ACYP2: variants seen among roughly 807,000 people sequenced by gnomAD.
The protein encoded by ACYP2 is acylphosphatase-2.
In ACYP2, 12 loss-of-function variants were observed where a neutral mutation model predicts 11.2. The observed-to-expected ratio is 1.08, with a 90% confidence interval of 0.69 to 1.74. The LOEUF (loss-of-function observed/expected upper bound fraction) is 1.74, where lower values mean the gene tolerates loss of function less well. ACYP2 is among the 40% of genes most tolerant of loss of function. The pLI is 0.00. For missense variants in ACYP2, 134 were observed against 101.9 expected (o/e 1.31, Z -1.35); for synonymous variants, 43 against 32.2 (o/e 1.33, Z -1.13).
At chr2:54,117,536 T>C (rs903074875) in intron 4 of ACYP2, among the ~76,000 whole-genome samples, 1 of 152,298 alleles carries the variant, frequency 6.6e-6, no homozygotes, top group South Asian at 2.1e-4. Flanking sequence ...CAAGGGATCC[T>C]CCTGCACTTC....
At chr2:54,159,032 A>G (rs542884657) in intron 6 of ACYP2, among the ~76,000 whole-genome samples, 70 of 152,098 alleles carry the variant, frequency 4.6e-4, no homozygotes, top group Non-Finnish European at 9.4e-4. Context: ...AGTTGTATAT[A>G]TACTCTCTCT....
chr2:54,010,743 T>C lies in ACYP2; in HGVS notation c.62+36933T>C, dbSNP rs1221610220. ...TTTCTCTTTTTCTTTCTTTCTTTTT[T>C]TTTTTTTTTTTTTTTTTTTTTTGAG... On this transcript the variant is annotated intron_variant, in intron 2 of 6. Coordinates refer to ENST00000607452, the MANE Select transcript of ACYP2 (RefSeq NM_001320586.2). 3.9e-3 allele frequency among the ~76,000 whole-genome samples: 223 copies of C among 57,090 alleles called. 5 individuals are homozygous for C. Among genetic ancestry groups the C allele is most frequent in the African/African-American group, 9.7e-3 (200 of 20,634 alleles). 37.5% of individuals were successfully genotyped at this position (57,090 alleles called of 152,430 possible). A position where few individuals can be genotyped will look rare whatever the true frequency, so the allele number is the denominator to read the frequency against.
intron 4 of ACYP2, among the ~76,000 whole-genome samples, chr2:54,116,835 C>T (rs969401923): frequency 3.9e-5 from 6 of 152,234 alleles, no homozygotes; most frequent in South Asian, 2.1e-4. Context: ...GGTTGGACCG[C>T]ACAGTCTAAG....
chr2:54,022,214 T>C (rs1231339883), intron 2 of ACYP2, among the ~76,000 whole-genome samples: 1 of 152,148 alleles, frequency 6.6e-6, no homozygotes, highest in Non-Finnish European at 1.5e-5. Flanking sequence ...CCTTTTTTCT[T>C]TTGTTAAATT....
At position 54,265,665 on chromosome 2, in the gene ACYP2, G is replaced by T. The variant is rs112642393; in HGVS notation, c.405-39023G>T. ...CAGATAAATATCTACATACAGGGGT[G>T]ATATGAAGATTAATTAAATAAGTTG... On this transcript the variant is annotated intron_variant, in intron 6 of 6. Coordinates refer to ENST00000607452, the MANE Select transcript of ACYP2 (RefSeq NM_001320586.2). Among the ~76,000 whole-genome samples, 6 of 152,348 alleles carry T rather than the reference G, an allele frequency of 3.9e-5. 1 individual carries two copies. Among genetic ancestry groups the T allele is most frequent in the African/African-American group, 1.4e-4 (6 of 41,580 alleles).
chr2:54,266,387 A>C lies in ACYP2; in HGVS notation c.405-38301A>C, dbSNP rs553463079. On this transcript the variant is annotated intron_variant, in intron 6 of 6. Transcript: ENST00000607452. ...CTCAAAAGCATTCTTGGGACAGTGG[A>C]GGAAATTAAAATATGGACTGGATAG... 1.6e-3 allele frequency among the ~76,000 whole-genome samples: 239 copies of C among 152,236 alleles called. 1 individual carries two copies. Among genetic ancestry groups the C allele is most frequent in the African/African-American group, 5.5e-3 (230 of 41,558 alleles).
intron 6 of ACYP2, chr2:54,255,316 T>A (rs781342586): frequency 6.2e-7 from 1 of 1,614,192 alleles, no homozygotes; most frequent in Middle Eastern, 1.6e-4. Context: ...CACTTCCAAA[T>A]TGGTTAAGTA....
intron 4 of ACYP2, among the ~76,000 whole-genome samples, chr2:54,068,112 G>A (rs138450871): frequency 3.9e-5 from 6 of 152,310 alleles, no homozygotes; most frequent in Middle Eastern, 3.4e-3. Context: ...ATATTTCTGT[G>A]TGGAGGGAGA....
At chr2:54,160,268 G>A (rs1403212020) in intron 6 of ACYP2, among the ~76,000 whole-genome samples, 1 of 152,134 alleles carries the variant, frequency 6.6e-6, no homozygotes, top group East Asian at 1.9e-4. Context: ...CCACACTCAA[G>A]GCTGGGGGAA....
intron 6 of ACYP2, among the ~76,000 whole-genome samples, chr2:54,198,893 G>A (rs970453760): frequency 6.6e-5 from 10 of 152,192 alleles, no homozygotes; most frequent in South Asian, 4.2e-4. Context: ...TTCTCGTTCC[G>A]TGCCCATTCT....
intron 2 of ACYP2, among the ~76,000 whole-genome samples, chr2:54,040,001 A>G (rs1021451391): frequency 5.9e-5 from 9 of 152,018 alleles, no homozygotes; most frequent in Non-Finnish European, 1.3e-4. Flanking sequence ...GATTACAGTC[A>G]TGAGCCACTG....
intron 4 of ACYP2, among the ~76,000 whole-genome samples, chr2:54,118,059 A>C (rs1679917483): frequency 6.6e-6 from 1 of 152,252 alleles, no homozygotes; most frequent in Non-Finnish European, 1.5e-5. Flanking sequence ...CACTTAGGAT[A>C]ACAGGAGACC....
In ACYP2 at chr2:54,072,507, C is replaced by CTTTTTTT. The variant is rs751029811; in HGVS notation, c.277+15148_277+15149insTTTTTTT. Among the ~76,000 whole-genome samples the CTTTTTTT allele has an allele frequency of 2.3e-4, 19 of 83,538 alleles. No homozygotes were observed. In the South Asian group the frequency reaches 6.8e-3, roughly 30 times the overall value. The allele number at this position is 83,538 out of a possible 152,430, so 54.8% of individuals were successfully genotyped here. A position where few individuals can be genotyped will look rare whatever the true frequency, so the allele number is the denominator to read the frequency against. On this transcript the variant is annotated intron_variant, in intron 4 of 6. Transcript: ENST00000607452. Reference sequence around the variant, plus strand: ...TTCTTTTTTCTTTCTTTCTCTCTCTCTCTCTTTCTTTCTTCTTTCTTTCTT... The same window carrying CTTTTTTT: ...TTCTTTTTTCTTTCTTTCTCTCTCTCTTTTTTTTCTCTTTCTTTCTTCTTTCTTTCTT...
chr2:54,292,568 T>C (rs1436174159), intron 6 of ACYP2, among the ~76,000 whole-genome samples: 1 of 152,108 alleles, frequency 6.6e-6, no homozygotes, highest in Non-Finnish European at 1.5e-5. Context: ...GAGGCTTGCA[T>C]TATGGTTCTG....
chr2:54,241,426 T>C (rs1012176764), intron 6 of ACYP2, among the ~76,000 whole-genome samples: 7 of 152,206 alleles, frequency 4.6e-5, no homozygotes, highest in African/African-American at 1.7e-4. Context: ...TCAGGAGGTA[T>C]AGGCTTAGCT....
chr2:54,053,130 C>A (rs1266423657), intron 3 of ACYP2, among the ~76,000 whole-genome samples: 1 of 152,220 alleles, frequency 6.6e-6, no homozygotes, highest in African/African-American at 2.4e-5. Flanking sequence ...TCACTGTTGG[C>A]TCAGTATAAG....
At chr2:54,001,120 T>G (rs756343407) in intron 2 of ACYP2, among the ~76,000 whole-genome samples, 30 of 152,182 alleles carry the variant, frequency 2.0e-4, no homozygotes, top group Non-Finnish European at 3.5e-4. Flanking sequence ...TTTGGGAGGC[T>G]GAGGCAGGAG....
intron 4 of ACYP2, among the ~76,000 whole-genome samples, chr2:54,132,407 T>A (rs548034796): frequency 1.3e-5 from 2 of 152,340 alleles, no homozygotes; most frequent in East Asian, 3.9e-4. Context: ...GAAATATTTT[T>A]ATAGCCCTAT....
Position 54,195,171 on chromosome 2 carries a change from T to G in ACYP2, c.404+56423T>G, listed in dbSNP as rs377251498. Among the ~76,000 whole-genome samples, 9 of 152,330 alleles carry G rather than the reference T, an allele frequency of 5.9e-5. No homozygotes were observed. The East Asian group carries it at 1.3e-3, about 23-fold the overall frequency. ...CTCTTCTGTTGGCCTCATTAGCTCC[T>G]TTGGGAATGTGGTCACTGCTATAAA... is the stretch of plus-strand genomic sequence containing the variant. On this transcript the variant is annotated intron_variant, in intron 6 of 6. Transcript: ENST00000607452.
Sources: gnomAD v4.1 joint callset for allele counts (sites outside exome capture counted in the v4.1 genomes callset) on GRCh38, gnomAD v4.1.1 for gene constraint, MANE v1.5 for transcripts, NCBI Gene and HGNC (gene_info 2026-07-23, HGNC 2026-07-21) for gene names.